Variants in NCOA3 observed in about 807,000 individuals in gnomAD.
NCOA3 encodes the protein nuclear receptor coactivator 3, also known as CBP-interacting protein.
Under a neutral mutation model 158.8 loss-of-function variants are expected in NCOA3, and 51 were observed. That is an observed-to-expected ratio of 0.32 (90% CI 0.26 to 0.41). The LOEUF is 0.41. NCOA3 is among the 10% of genes least tolerant of loss of function. The pLI, the probability that NCOA3 is intolerant of heterozygous loss-of-function variation, is 1.00. For synonymous variants in NCOA3, 537 were observed against 592.4 expected (o/e 0.91, Z 1.36); for missense variants, 1,510 against 1,746.6 (o/e 0.86, Z 2.41).
At chr20:47,547,286 T>C (rs993001671) in intron 1 of NCOA3, among the ~76,000 whole-genome samples, 19 of 152,120 alleles carry the variant, frequency 1.2e-4, no homozygotes, top group Admixed American at 3.3e-4. Flanking sequence ...GCCCTTCTCT[T>C]ACCCCATCTG....
At chr20:47,613,334 C>CTT (rs11475079) in intron 2 of NCOA3, among the ~76,000 whole-genome samples, 6 of 136,928 alleles carry the variant, frequency 4.4e-5, no homozygotes, top group African/African-American at 7.9e-5. Context: ...ACGATTCCTT[C>CTT]TTTTTTTTTT....
rs1166777115 is a variant in NCOA3, at chr20:47,505,003, G to GTTTTTTTTTTTTTTTTTTTTTTTTTT, written c.-99+2985_-99+3010dup. On this transcript the variant is annotated intron_variant, in intron 1 of 22. Transcript: ENST00000371998. ...TAAAATAAATGGCTTTGGGTTTTTG[G>GTTTTTTTTTTTTTTTTTTTTTTTTTT]TTTTTTTTTTTTTTTTTTTTTTTTT... is the stretch of plus-strand genomic sequence containing the variant. 7.0e-5 allele frequency among the ~76,000 whole-genome samples: 2 copies of GTTTTTTTTTTTTTTTTTTTTTTTTTT among 28,550 alleles called. 1 individual carries two copies. Among genetic ancestry groups the GTTTTTTTTTTTTTTTTTTTTTTTTTT allele is most frequent in the African/African-American group, 3.6e-4 (2 of 5,530 alleles). The allele number at this position is 28,550 out of a possible 152,430, so 18.7% of individuals were successfully genotyped here. A position where few individuals can be genotyped will look rare whatever the true frequency, so the allele number is the denominator to read the frequency against.
chr20:47,650,854 C>A (rs1394357707), intron 19 of NCOA3, 128 bp from the exon 20 acceptor site: 4 of 875,816 alleles, frequency 4.6e-6, no homozygotes, highest in South Asian at 3.3e-5. Context: ...CAGAGTGAGA[C>A]CCTGTTAAAA....
At chr20:47,540,865 A>G (rs1434358451) in intron 1 of NCOA3, among the ~76,000 whole-genome samples, 1 of 152,186 alleles carries the variant, frequency 6.6e-6, no homozygotes, top group Admixed American at 6.5e-5. Context: ...GGCTGGGGTA[A>G]TCTAGGGAAG....
intron 19 of NCOA3, among the ~76,000 whole-genome samples, chr20:47,649,580 T>C (rs1051856951): frequency 5.3e-5 from 8 of 152,046 alleles, no homozygotes; most frequent in African/African-American, 1.9e-4. Flanking sequence ...AATTCCCTTC[T>C]ACTTCCAGCC....
chr20:47,541,795 A>G (rs1436310700), intron 1 of NCOA3, among the ~76,000 whole-genome samples: 1 of 152,004 alleles, frequency 6.6e-6, no homozygotes, highest in Non-Finnish European at 1.5e-5. Flanking sequence ...ACATTATTAC[A>G]TCTAGAAAAC....
At chr20:47,537,812 C>G (rs2084659476) in intron 1 of NCOA3, among the ~76,000 whole-genome samples, 2 of 151,908 alleles carry the variant, frequency 1.3e-5, no homozygotes, top group South Asian at 4.2e-4. Flanking sequence ...ATCTCCTGAC[C>G]TGGTTGTGAT....
chr20:47,502,421 GCTC>G (rs2083949514), intron 1 of NCOA3, among the ~76,000 whole-genome samples: 1 of 152,136 alleles, frequency 6.6e-6, no homozygotes, highest in Non-Finnish European at 1.5e-5. Flanking sequence ...TGCTGCCCCG[GCTC>G]CTTAGCAGCT....
chr20:47,632,639 G>T (rs371220071), intron 8 of NCOA3, among the ~76,000 whole-genome samples: 1 of 151,146 alleles, frequency 6.6e-6, no homozygotes, highest in East Asian at 2.0e-4. Flanking sequence ...GCTTGCCTTG[G>T]CCTCCCAAAG....
chr20:47,621,631 CA>C (rs2086241517), intron 2 of NCOA3, among the ~76,000 whole-genome samples: 1 of 148,052 alleles, frequency 6.8e-6, no homozygotes, highest in Non-Finnish European at 1.5e-5. Flanking sequence ...TTAACCAAAG[CA>C]TACTATTTTT....
At chr20:47,651,501 C>T (rs1362956130) in intron 20 of NCOA3, among the ~76,000 whole-genome samples, 1 of 152,182 alleles carries the variant, frequency 6.6e-6, no homozygotes, top group Non-Finnish European at 1.5e-5. Context: ...CAGTCCCACT[C>T]ATTAAGAGTC....
In NCOA3 at chr20:47,642,378, C is replaced by G; in HGVS notation, c.3246C>G (p.Val1082=). 6.3e-7 allele frequency: 1 copy of G among 1,597,158 alleles called. No homozygotes were observed. The highest frequency in any genetic ancestry group is 8.5e-7 in the Non-Finnish European group (1 of 1,174,476). ...GAGCTTTGGGCATTCCTGAACTTGT[C>G]AATCAGGTAGGTTGCATTAACATGG... The part of the protein sequence containing the change: ...IDRALGIPEL[V]NQGQALEPKQ... The change falls in exon 17 of 23, where the codon GTC becomes GTG. Residue 1082 remains valine (V), a synonymous_variant. Coordinates refer to ENST00000371998, the MANE Select transcript of NCOA3 (RefSeq NM_181659.3).
At chr20:47,572,537 C>CA (rs1210239458) in intron 1 of NCOA3, among the ~76,000 whole-genome samples, 2 of 151,500 alleles carry the variant, frequency 1.3e-5, no homozygotes, top group African/African-American at 4.9e-5. Flanking sequence ...TAGCCCCCCC[C>CA]ACCTGCCTTT....
At chr20:47,614,242 A>G (rs1438462334) in intron 2 of NCOA3, among the ~76,000 whole-genome samples, 2 of 152,184 alleles carry the variant, frequency 1.3e-5, no homozygotes, top group Non-Finnish European at 2.9e-5. Context: ...TAGGGTAGAG[A>G]AAAAAACCTT....
chr20:47,607,154 T>C (rs1032441843), intron 2 of NCOA3, among the ~76,000 whole-genome samples: 1 of 152,238 alleles, frequency 6.6e-6, no homozygotes, highest in Non-Finnish European at 1.5e-5. Flanking sequence ...TTCATTTATA[T>C]GGTTTCAGAT....
At chr20:47,504,628 C>A (rs2083997251) in intron 1 of NCOA3, among the ~76,000 whole-genome samples, 1 of 151,576 alleles carries the variant, frequency 6.6e-6, no homozygotes, top group South Asian at 2.1e-4. Context: ...GATGGTGAAA[C>A]CCCTTCACTA....
intron 1 of NCOA3, among the ~76,000 whole-genome samples, chr20:47,535,200 A>T (rs1473536740): frequency 6.6e-6 from 1 of 152,116 alleles, no homozygotes; most frequent in East Asian, 1.9e-4. Flanking sequence ...AGCTAGGCTC[A>T]CTTCTTCCGT....
intron 2 of NCOA3, among the ~76,000 whole-genome samples, chr20:47,598,655 T>C (rs779963546): frequency 2.0e-5 from 3 of 152,202 alleles, no homozygotes; most frequent in Non-Finnish European, 4.4e-5. Context: ...TTTTTATTAT[T>C]AGTGCTCATG....
intron 1 of NCOA3, among the ~76,000 whole-genome samples, chr20:47,513,665 G>A (rs2084183681): frequency 6.7e-6 from 1 of 149,766 alleles, no homozygotes; most frequent in Admixed American, 6.7e-5. Flanking sequence ...GGCAAAGGTT[G>A]CAGTGAGCCA....
Sources: gnomAD v4.1 joint callset for allele counts (sites outside exome capture counted in the v4.1 genomes callset) on GRCh38, gnomAD v4.1.1 for gene constraint, MANE v1.5 for transcripts, NCBI Gene and HGNC (gene_info 2026-07-23, HGNC 2026-07-21) for gene names.